The following COL5A1 variants were observed in gnomAD, a reference collection of about 807,000 sequenced individuals.
COL5A1 encodes collagen alpha-1(V) chain.
In COL5A1, 16 loss-of-function variants were observed where a neutral mutation model predicts 263.7. The observed-to-expected ratio is 0.06, with a 90% CI of 0.04 to 0.09. The LOEUF is 0.09. Ranked by LOEUF, COL5A1 falls within the 10% of genes least tolerant of loss-of-function variation. The pLI is 1.00. For missense variants in COL5A1, 2,036 were observed against 2,540.5 expected (o/e 0.80, Z 4.27); for synonymous variants, 1,012 against 1,004.5 (o/e 1.01, Z -0.14).
chr9:134,760,986 TAC>T (rs879608314), intron 18 of COL5A1, among the ~76,000 whole-genome samples: 10 of 141,616 alleles, frequency 7.1e-5, no homozygotes, highest in East Asian at 6.4e-4. Flanking sequence ...ACCACCCCGA[TAC>T]ACACATACAC....
chr9:134,802,662 AG>A (rs1240945697), intron 38 of COL5A1, among the ~76,000 whole-genome samples: 1 of 152,206 alleles, frequency 6.6e-6, no homozygotes, highest in Non-Finnish European at 1.5e-5. Flanking sequence ...GTGGGGGAAG[AG>A]GGCCACGCGG....
intron 1 of COL5A1, among the ~76,000 whole-genome samples, chr9:134,690,137 G>A (rs140796019): frequency 3.7e-4 from 56 of 152,266 alleles, no homozygotes; most frequent in African/African-American, 1.2e-3. Context: ...CCTTCCCTGA[G>A]AGCCCCTGGA....
intron 65 of COL5A1, among the ~76,000 whole-genome samples, chr9:134,840,296 G>C (rs893420001): frequency 2.6e-5 from 4 of 152,204 alleles, no homozygotes; most frequent in African/African-American, 9.7e-5. Context: ...ATCAAGGCAG[G>C]GTTGTGAGAA....
chr9:134,781,423 C>T (rs1261720154), intron 28 of COL5A1, among the ~76,000 whole-genome samples: 1 of 152,248 alleles, frequency 6.6e-6, no homozygotes, highest in Non-Finnish European at 1.5e-5. Flanking sequence ...AACACGAGGG[C>T]CTTACGAACA....
rs1349094120 is a variant in COL5A1, at chr9:134,789,113, C to T, written c.2647-42C>T. 1 of 1,592,916 alleles carries T rather than the reference C, an allele frequency of 6.3e-7. No individual in the cohort carries two copies. Among genetic ancestry groups the T allele is most frequent in the Non-Finnish European group, 8.6e-7 (1 of 1,162,322 alleles). ...GGCGGCCCATGCAGCATGACTCATT[C>T]CTGGCCCAGCTCTGATGCCTCCTCC... On this transcript the variant is annotated intron_variant, in intron 31 of 65. Transcript: ENST00000371817. The surrounding 1 kb of genome is among the most constrained non-coding windows in gnomAD (Gnocchi z 4.8).
intron 4 of COL5A1, among the ~76,000 whole-genome samples, chr9:134,719,738 G>A (rs1197003920): frequency 2.0e-5 from 3 of 152,228 alleles, no homozygotes; most frequent in African/African-American, 4.8e-5. Flanking sequence ...GGAAGTAGGC[G>A]GCTGCCATCG....
rs897681092 is a variant in COL5A1, at chr9:134,696,479, C to A, written c.278-3430C>A. Among the ~76,000 whole-genome samples, 1 of 152,094 alleles carries A rather than the reference C, an allele frequency of 6.6e-6. No individual in the cohort carries two copies. The highest frequency in any genetic ancestry group is 2.4e-5 in the African/African-American group (1 of 41,430). ...GGCATGAACCACCTCGCCCAGCCTGCAATTATTTAACTAACTGGTTTGGTT... is the reference window on the plus strand; with the variant it reads ...GGCATGAACCACCTCGCCCAGCCTGAAATTATTTAACTAACTGGTTTGGTT... On this transcript the variant is annotated intron_variant, in intron 2 of 65. Transcript: ENST00000371817. The surrounding 1 kb of genome is among the most constrained non-coding windows in gnomAD (Gnocchi z 4.3).
chr9:134,826,565 G>A (rs1839271235), intron 63 of COL5A1, among the ~76,000 whole-genome samples: 1 of 103,462 alleles, frequency 9.7e-6, no homozygotes, highest in Non-Finnish European at 2.0e-5. Context: ...GTGTGTGTGT[G>A]TGTGTAGATG....
intron 1 of COL5A1, among the ~76,000 whole-genome samples, chr9:134,643,139 C>T (rs1292063874): frequency 6.6e-6 from 1 of 152,168 alleles, no homozygotes; most frequent in East Asian, 1.9e-4. Flanking sequence ...TGCGTCCCTG[C>T]CTGGGTTCTC....
intron 18 of COL5A1, among the ~76,000 whole-genome samples, chr9:134,760,767 GAAC>G (rs1274510992): frequency 2.2e-5 from 2 of 89,822 alleles, no homozygotes; most frequent in Non-Finnish European, 4.2e-5. Context: ...ACACATACAC[GAAC>G]ACCACCTACA....
chr9:134,727,785 G>T (rs1287611031), intron 5 of COL5A1, among the ~76,000 whole-genome samples: 2 of 152,186 alleles, frequency 1.3e-5, no homozygotes, highest in Non-Finnish European at 2.9e-5. Flanking sequence ...GCCTGGGCTT[G>T]TCTACTGTAG....
chr9:134,660,681 T>C (rs1832175809), intron 1 of COL5A1, among the ~76,000 whole-genome samples: 1 of 152,224 alleles, frequency 6.6e-6, no homozygotes, highest in Non-Finnish European at 1.5e-5. Flanking sequence ...AGAGTACTCA[T>C]GGTGCGACCT....
intron 9 of COL5A1, among the ~76,000 whole-genome samples, chr9:134,736,148 G>GGTGGCCT (rs755572399): frequency 6.6e-6 from 1 of 152,298 alleles, no homozygotes; most frequent in Admixed American, 6.5e-5. Context: ...AGCAGCCTCC[G>GGTGGCCT]GTGGCCTGTG....
Position 134,732,082 on chromosome 9 carries a change from T to C in COL5A1, c.1344T>C (p.Pro448=). The C allele has an allele frequency of 6.2e-7, 1 of 1,614,194 alleles. No homozygotes were observed. The highest frequency in any genetic ancestry group is 1.6e-4 in the Middle Eastern group (1 of 6,062). Residue 448 remains proline (P), a synonymous_variant, in exon 9 of 66, where the codon CCT becomes CCC. Coordinates refer to ENST00000371817, the MANE Select transcript of COL5A1 (RefSeq NM_000093.5). ...QDTIYEGIGG[P]RGEKGQKGEP... Reference sequence around the variant, plus strand: ...TTTATCACCCCCAGATTGGAGGACCTCGGGGCGAGAAAGGCCAAAAGGGAG... The same window carrying C: ...TTTATCACCCCCAGATTGGAGGACCCCGGGGCGAGAAAGGCCAAAAGGGAG...
intron 1 of COL5A1, among the ~76,000 whole-genome samples, chr9:134,684,963 CCATCCAT>C (rs1832965829): frequency 7.7e-6 from 1 of 129,190 alleles, no homozygotes; most frequent in Admixed American, 7.8e-5. Flanking sequence ...CATCCATCCA[CCATCCAT>C]CCATTAATTC....
In COL5A1 at chr9:134,772,795, C is replaced by G; in HGVS notation, c.2292C>G (p.His764Gln). 6.2e-7 allele frequency: 1 copy of G among 1,614,048 alleles called. No homozygotes were observed. The change falls in exon 26 of 66, where the codon CAC becomes CAG. Residue 764 changes from histidine to glutamine, a missense_variant. By Grantham distance (24) the His-to-Gln change is conservative. Around this residue, in one of 3 missense-constraint regions of COL5A1, gnomAD observed 1,078 missense variants for 1,521.4 expected, o/e 0.71. Coordinates refer to ENST00000371817, the MANE Select transcript of COL5A1 (RefSeq NM_000093.5). ...GMPGADGPPG[H>Q]PGKEGPPGEK... ...TGCTTCTTCTTTTGTGACAGGGACA[C>G]CCTGGCAAAGAAGGCCCTCCAGGAG...
intron 51 of COL5A1, 112 bp from the exon 52 acceptor site, chr9:134,815,823 G>A: frequency 7.3e-7 from 1 of 1,373,420 alleles, no homozygotes; most frequent in Non-Finnish European, 1.0e-6. Context: ...CTCTGTGCTG[G>A]CACCAGAATG....
intron 4 of COL5A1, among the ~76,000 whole-genome samples, chr9:134,704,162 T>C (rs1361664921): frequency 6.6e-6 from 1 of 152,162 alleles, no homozygotes; most frequent in Non-Finnish European, 1.5e-5. Flanking sequence ...AGGGAAGCAC[T>C]AGAAATCCGT....
chr9:134,816,153 C>T (rs2132856638), intron 52 of COL5A1, among the ~76,000 whole-genome samples, 165 bp downstream of exon 52: 1 of 152,270 alleles, frequency 6.6e-6, no homozygotes, highest in African/African-American at 2.4e-5. Flanking sequence ...ATGTTGATTC[C>T]CTTATGATAT....
Sources: gnomAD v4.1 joint callset for allele counts (sites outside exome capture counted in the v4.1 genomes callset) on GRCh38, gnomAD v4.1.1 for gene constraint, gnomAD v4.1.1 regional missense constraint, Gnocchi (gnomAD v3.1) non-coding constraint, MANE v1.5 for transcripts, NCBI Gene and HGNC (gene_info 2026-07-23, HGNC 2026-07-21) for gene names.